GREB1: variants seen among roughly 807,000 people sequenced by gnomAD.
GREB1 encodes protein GREB1.
In GREB1, 106 loss-of-function variants were observed where a neutral mutation model predicts 200.7. That is an observed-to-expected ratio of 0.53 (90% confidence interval 0.45 to 0.62). The LOEUF (loss-of-function observed/expected upper bound fraction) is 0.62, where lower values mean the gene tolerates loss of function less well. Ranked by LOEUF, GREB1 falls within the 20% of genes least tolerant of loss-of-function variation. The pLI is 0.00. For missense variants in GREB1, 2,243 were observed against 2,556.8 expected (o/e 0.88, Z 2.65); for synonymous variants, 1,132 against 1,092.4 (o/e 1.04, Z -0.72).
chr2:11,620,485 G>A (rs1170751775), intron 22 of GREB1, among the ~76,000 whole-genome samples: 3 of 152,058 alleles, frequency 2.0e-5, no homozygotes, highest in South Asian at 2.1e-4. Context: ...GGAGAAATAC[G>A]AGAAGCATTT....
upstream of GREB1, among the ~76,000 whole-genome samples, chr2:11,529,129 C>G (rs138181175): frequency 2.0e-5 from 3 of 152,082 alleles, no homozygotes; most frequent in East Asian, 5.8e-4. Context: ...TGTATTAAAC[C>G]TGTAAAGATG....
At chr2:11,594,195 A>C (rs1326211499) in intron 11 of GREB1, among the ~76,000 whole-genome samples, 1 of 151,646 alleles carries the variant, frequency 6.6e-6, no homozygotes, top group Non-Finnish European at 1.5e-5. Context: ...ACTTTGGTAG[A>C]GACAGGGTTT....
chr2:11,484,992 A>G (rs375563013), intron 1 of GREB1, among the ~76,000 whole-genome samples: 105 of 152,106 alleles, frequency 6.9e-4, no homozygotes, highest in African/African-American at 2.5e-3. Context: ...GGCGCCCGCC[A>G]CGGCGCCCGG....
chr2:11,485,394 C>T (rs561794369), intron 1 of GREB1, among the ~76,000 whole-genome samples: 83 of 151,876 alleles, frequency 5.5e-4, no homozygotes, highest in African/African-American at 1.8e-3. Context: ...GTGCCTCAGC[C>T]TCCTGAGTAG....
At chr2:11,632,589 C>T (rs190534999) in intron 27 of GREB1, among the ~76,000 whole-genome samples, 225 of 152,304 alleles carry the variant, frequency 1.5e-3, no homozygotes, top group South Asian at 1.2e-3. Context: ...TGGCCTGCCT[C>T]GGCCCCCCAA....
intron 1 of GREB1, among the ~76,000 whole-genome samples, chr2:11,523,300 A>G (rs558377255): frequency 1.3e-5 from 2 of 152,272 alleles, no homozygotes; most frequent in South Asian, 2.1e-4. Context: ...TACCCGGGTG[A>G]TGAAACAATC....
In GREB1 at chr2:11,603,241, T is replaced by C. The variant is rs181800068; in HGVS notation, c.2666+699T>C. Among the ~76,000 whole-genome samples the C allele has an allele frequency of 1.4e-4, 22 of 152,322 alleles. No individual in the cohort carries two copies. The East Asian group carries it at 4.2e-3, about 29-fold the overall frequency. ...ATTCGTGGTAAAGCCAGGCCAAGTTTTATAGACGATCTAATGCAAAGCAAA... is the reference window on the plus strand; with the variant it reads ...ATTCGTGGTAAAGCCAGGCCAAGTTCTATAGACGATCTAATGCAAAGCAAA... On this transcript the variant is annotated intron_variant, in intron 17 of 32. Transcript: ENST00000381486.
chr2:11,508,452 C>T (rs986224672), intron 1 of GREB1, among the ~76,000 whole-genome samples: 3 of 152,186 alleles, frequency 2.0e-5, no homozygotes, highest in African/African-American at 7.2e-5. Context: ...GCTTTGCACA[C>T]GCTTTGGCAG....
Position 11,597,820 on chromosome 2 carries a change from T to C in GREB1, c.1994T>C (p.Leu665Pro). The change falls in exon 14 of 33, where the codon CTG becomes CCG. Residue 665 changes from leucine to proline, a missense_variant. Physicochemically the swap from Leu to Pro is moderately conservative, Grantham distance 98. Transcript: ENST00000381486. This position sits in a 1 kb window ranked among gnomAD's most constrained non-coding sequence, Gnocchi z 4.1. ...LEPHSIRPFQ[L>P]AVAQKLLSHV... ...CCACACAGCATCCGGCCCTTCCAGC[T>C]GGCAGTAGCGCAGAAGCTCCTCTCC... 1 of 1,614,220 alleles carries C rather than the reference T, an allele frequency of 6.2e-7. No homozygotes were observed. Among genetic ancestry groups the C allele is most frequent in the Non-Finnish European group, 8.5e-7 (1 of 1,180,034 alleles).
intron 4 of GREB1, among the ~76,000 whole-genome samples, chr2:11,571,217 C>T (rs961107697): frequency 1.1e-4 from 17 of 151,918 alleles, no homozygotes; most frequent in African/African-American, 3.9e-4. Context: ...TTTTCAGGCA[C>T]GGGGAGGGTG....
intron 1 of GREB1, among the ~76,000 whole-genome samples, chr2:11,502,962 C>T (rs998158428): frequency 9.9e-5 from 15 of 152,268 alleles, no homozygotes; most frequent in Middle Eastern, 6.8e-3. Context: ...TCCATCCGAC[C>T]TCCAGGCTGT....
At chr2:11,589,076 A>G in intron 10 of GREB1, 145 bp downstream of exon 10, 3 of 661,552 alleles carry the variant, frequency 4.5e-6, no homozygotes, top group Non-Finnish European at 2.6e-6. Flanking sequence ...GCGGGACGTC[A>G]TGAAGTCACT....
chr2:11,611,963 G>A (rs1682971196), intron 18 of GREB1, among the ~76,000 whole-genome samples: 1 of 152,164 alleles, frequency 6.6e-6, no homozygotes. Context: ...GGAGGCCGAG[G>A]CGGGCGGATC....
intron 3 of GREB1, among the ~76,000 whole-genome samples, chr2:11,566,088 A>T (rs1183235575): frequency 6.6e-6 from 1 of 152,038 alleles, no homozygotes; most frequent in Non-Finnish European, 1.5e-5. Flanking sequence ...GCACAATCTC[A>T]GCTCACTGCA....
At chr2:11,537,449 T>C (rs966169807) in intron 1 of GREB1, among the ~76,000 whole-genome samples, 1 of 151,808 alleles carries the variant, frequency 6.6e-6, no homozygotes, top group African/African-American at 2.4e-5. Context: ...AGTACTTTTC[T>C]CCCATTTTTC....
intron 24 of GREB1, among the ~76,000 whole-genome samples, chr2:11,626,229 CCTT>C (rs894561586): frequency 3.3e-5 from 5 of 152,160 alleles, no homozygotes; most frequent in African/African-American, 1.2e-4. Context: ...CACTGAGGAT[CCTT>C]CTCGTAGGCC....
chr2:11,607,442 GTGTGTGTGTGTGTGTGTGTA>G (rs1290339757), intron 17 of GREB1, among the ~76,000 whole-genome samples: 1 of 104,312 alleles, frequency 9.6e-6, no homozygotes, highest in East Asian at 2.8e-4. Context: ...GTGTGTGTGT[GTGTGTGTGTGTGTGTGTGTA>G]TATATATATA....
At chr2:11,577,777 A>G (rs1458767813) in intron 5 of GREB1, among the ~76,000 whole-genome samples, 1 of 152,112 alleles carries the variant, frequency 6.6e-6, no homozygotes, top group East Asian at 1.9e-4. Context: ...TGTTTTGTTC[A>G]GTAAATGCCT....
chr2:11,586,213 T>G (rs1239291766), intron 9 of GREB1, among the ~76,000 whole-genome samples: 1 of 152,230 alleles, frequency 6.6e-6, no homozygotes, highest in African/African-American at 2.4e-5. Flanking sequence ...TTCATTGAGC[T>G]TCTGCCGTGG....
Sources: gnomAD v4.1 joint callset for allele counts (sites outside exome capture counted in the v4.1 genomes callset) on GRCh38, gnomAD v4.1.1 for gene constraint, Gnocchi (gnomAD v3.1) non-coding constraint, MANE v1.5 for transcripts, NCBI Gene and HGNC (gene_info 2026-07-23, HGNC 2026-07-21) for gene names.